Variants in WDR37 observed in about 807,000 individuals in gnomAD.
The protein encoded by WDR37 is WD repeat domain 37.
Under a neutral mutation model 62.9 loss-of-function variants are expected in WDR37, and 19 were observed. That is an observed-to-expected ratio of 0.30 (90% confidence interval 0.21 to 0.44). The LOEUF is 0.44. Among genes scored for constraint, WDR37 ranks in the 20% least tolerant of loss-of-function variants. The pLI is 1.00. For synonymous variants in WDR37, 250 were observed against 260.9 expected, an observed-to-expected ratio of 0.96 and a Z score of 0.40; for missense variants, 474 against 657.6, an observed-to-expected ratio of 0.72 and a Z score of 3.05.
At chr10:1,072,805 T>C (rs1399289110) in intron 2 of WDR37, among the ~76,000 whole-genome samples, 1 of 152,194 alleles carries the variant, frequency 6.6e-6, no homozygotes, top group East Asian at 1.9e-4. Context: ...GGTTAGCATA[T>C]GTATACTAAG....
intron 7 of WDR37, among the ~76,000 whole-genome samples, chr10:1,089,887 G>A (rs547591439): frequency 2.0e-5 from 3 of 152,294 alleles, no homozygotes; most frequent in East Asian, 1.9e-4. Flanking sequence ...GGGAGAAGAC[G>A]CCTGTGTTTC....
intron 9 of WDR37, among the ~76,000 whole-genome samples, chr10:1,099,050 G>T (rs2131651513): frequency 6.6e-6 from 1 of 152,268 alleles, no homozygotes; most frequent in African/African-American, 2.4e-5. Context: ...ATTTTATGTG[G>T]TTCACATTTA....
chr10:1,080,256 GGTTCTTGTTCCT>G, intron 4 of WDR37, 144 bp from the exon 5 acceptor site: 2 of 1,269,566 alleles, frequency 1.6e-6, no homozygotes, highest in Non-Finnish European at 2.2e-6. Flanking sequence ...TAAGGAGCTC[GGTTCTTGTTCCT>G]GTTCTGCCAT....
rs1835954499 is a variant in WDR37 at position 1,131,790 on chromosome 10, A to G, written c.*2446A>G. ...TGAAACAGTGTTTGGAAGTGGGAAC[A>G]GTTTTGTCCTGTATGCTGATGTGTC... On this transcript the variant is annotated 3_prime_UTR_variant, in exon 14 of 14. Transcript: ENST00000263150. The G allele has an allele frequency of 6.6e-6, 1 of 152,256 alleles. No homozygotes were observed. Among genetic ancestry groups the G allele is most frequent in the Non-Finnish European group, 1.5e-5 (1 of 68,036 alleles). The allele number at this position is 152,256 out of a possible 1,614,324, so 9.4% of individuals were successfully genotyped here. A position where few individuals can be genotyped will look rare whatever the true frequency, so the allele number is the denominator to read the frequency against.
chr10:1,094,217 C>T (rs1468390283), intron 8 of WDR37, among the ~76,000 whole-genome samples: 1 of 152,224 alleles, frequency 6.6e-6, no homozygotes. Context: ...GTACTGAGTT[C>T]TGCTCTTGCA....
chr10:1,096,305 T>C (rs760223578), intron 9 of WDR37, 59 bp downstream of exon 9: 2 of 1,558,670 alleles, frequency 1.3e-6, no homozygotes, highest in African/African-American at 1.4e-5. Context: ...AATCTGAGAA[T>C]CCATTTATGA....
chr10:1,071,494 G>T (rs1433281777), intron 1 of WDR37, among the ~76,000 whole-genome samples: 5 of 152,088 alleles, frequency 3.3e-5, no homozygotes, highest in East Asian at 1.9e-4. Context: ...GCCCAAAGTG[G>T]GTAAATCATA....
chr10:1,080,202 C>A, intron 4 of WDR37, 96 bp downstream of exon 4: 1 of 1,413,232 alleles, frequency 7.1e-7, no homozygotes, highest in Non-Finnish European at 9.9e-7. Context: ...GTTTTGCTGT[C>A]AGCAGACCTC....
chr10:1,080,316 C>T, intron 4 of WDR37, 96 bp from the exon 5 acceptor site: 3 of 1,511,708 alleles, frequency 2.0e-6, no homozygotes, highest in East Asian at 2.3e-5. Context: ...CCTTTCTGGG[C>T]CCCCTTTCTT....
intron 13 of WDR37, 150 bp downstream of exon 13, chr10:1,125,174 T>A: frequency 7.3e-7 from 1 of 1,370,036 alleles, no homozygotes; most frequent in South Asian, 1.6e-5. Context: ...AATTTAAAAT[T>A]GAAGAAGTAG....
At chr10:1,085,060 G>A (rs541404497) in intron 6 of WDR37, among the ~76,000 whole-genome samples, 4 of 152,238 alleles carry the variant, frequency 2.6e-5, no homozygotes, top group Admixed American at 1.3e-4. Flanking sequence ...CACCTCCTGC[G>A]TTCAAGCGAT....
chr10:1,061,289 C>T (rs1589070447), intron 1 of WDR37, among the ~76,000 whole-genome samples: 1 of 152,054 alleles, frequency 6.6e-6, no homozygotes, highest in African/African-American at 2.4e-5. Flanking sequence ...CATGGTATAC[C>T]ATTTCAGTAG....
chr10:1,114,936 AT>A, intron 11 of WDR37, among the ~76,000 whole-genome samples: 1 of 151,792 alleles, frequency 6.6e-6, no homozygotes, highest in Non-Finnish European at 1.5e-5. Flanking sequence ...CTGTCATGAC[AT>A]TTGCCTGTTT....
At chr10:1,067,885 T>C (rs1443354716) in intron 1 of WDR37, among the ~76,000 whole-genome samples, 1 of 152,012 alleles carries the variant, frequency 6.6e-6, no homozygotes, top group Non-Finnish European at 1.5e-5. Context: ...TGCAATACCA[T>C]TCAGCCATAA....
chr10:1,082,925 A>T (rs1834076685), intron 5 of WDR37, among the ~76,000 whole-genome samples: 1 of 152,208 alleles, frequency 6.6e-6, no homozygotes, highest in Admixed American at 6.5e-5. Context: ...AAGTGGTGAG[A>T]GATTTGGAAA....
chr10:1,057,691 A>C (rs553507951), intron 1 of WDR37, among the ~76,000 whole-genome samples: 1 of 152,186 alleles, frequency 6.6e-6, no homozygotes, highest in African/African-American at 2.4e-5. Context: ...GAATAAATAC[A>C]TTTTTCCAGG....
intron 1 of WDR37, among the ~76,000 whole-genome samples, chr10:1,063,996 A>G (rs898428226): frequency 6.6e-6 from 1 of 152,234 alleles, no homozygotes; most frequent in African/African-American, 2.4e-5. Flanking sequence ...CGTAGAGATG[A>G]CACAGAGTTT....
intron 7 of WDR37, among the ~76,000 whole-genome samples, chr10:1,089,017 G>A (rs188700212): frequency 3.0e-4 from 46 of 152,290 alleles, no homozygotes; most frequent in Non-Finnish European, 5.9e-4. Flanking sequence ...GTTGGTGGCC[G>A]GTGGGTTTCA....
intron 9 of WDR37, among the ~76,000 whole-genome samples, chr10:1,099,261 C>T (rs936648901): frequency 1.3e-5 from 2 of 152,202 alleles, no homozygotes; most frequent in Non-Finnish European, 2.9e-5. Context: ...ATGTTAGTGG[C>T]GTGATCTTCC....
Sources: allele counts gnomAD v4.1 joint callset (sites outside exome capture counted in the v4.1 genomes callset), GRCh38; gene constraint gnomAD v4.1.1; transcripts MANE v1.5; gene names NCBI Gene and HGNC (gene_info 2026-07-23, HGNC 2026-07-21).